The following LRRC17 variants were observed in gnomAD, a reference collection of about 807,000 sequenced individuals.
LRRC17 encodes the protein leucine-rich repeat-containing protein 17.
A neutral mutation model predicts 41.5 loss-of-function variants in LRRC17; 33 were observed. The ratio of observed to expected loss-of-function variants is 0.80; its 90% CI spans 0.60 to 1.06. LRRC17 has a LOEUF of 1.06. LRRC17 is among the 50% of genes least tolerant of loss of function. LRRC17 has a pLI of 0.00. For missense variants in LRRC17, 491 were observed against 519.3 expected, an observed-to-expected ratio of 0.95 and a Z score of 0.53; for synonymous variants, 192 against 197.0, an observed-to-expected ratio of 0.97 and a Z score of 0.21.
intron 3 of LRRC17, among the ~76,000 whole-genome samples, chr7:102,940,214 T>G (rs1361773693): frequency 7.6e-6 from 1 of 132,212 alleles, no homozygotes; most frequent in African/African-American, 2.9e-5. Flanking sequence ...ACTTTTTTTG[T>G]TTGTTTTTTT....
At chr7:102,939,874 T>C (rs543582351) in intron 3 of LRRC17, among the ~76,000 whole-genome samples, 3 of 152,164 alleles carry the variant, frequency 2.0e-5, no homozygotes, top group African/African-American at 7.2e-5. Context: ...AAATGGTCAA[T>C]AGTATACTAA....
intron 1 of LRRC17, among the ~76,000 whole-genome samples, chr7:102,927,360 A>G (rs753187738): frequency 1.3e-5 from 2 of 152,208 alleles, no homozygotes; most frequent in Non-Finnish European, 2.9e-5. Context: ...GAAGAGGTAA[A>G]TCATTACTAG....
chr7:102,942,321 T>TA, intron 3 of LRRC17: 1 of 1,593,906 alleles, frequency 6.3e-7, no homozygotes, highest in East Asian at 2.3e-5. Context: ...CAAGTAGACT[T>TA]ACGTGAATGA....
intron 1 of LRRC17, among the ~76,000 whole-genome samples, chr7:102,914,353 G>A (rs1035683560): frequency 1.3e-5 from 2 of 152,218 alleles, no homozygotes; most frequent in African/African-American, 4.8e-5. Flanking sequence ...GAACAGGCAT[G>A]AGCCACCGTG....
rs777751091 is a variant in LRRC17, at chr7:102,934,198, A to G, written c.285A>G (p.Thr95=). ...TGCTAGCAAGAAACAAGATCCGCACATTGAAGAACAACATGTTTTCCAAGT... is the reference window on the plus strand; with the variant it reads ...TGCTAGCAAGAAACAAGATCCGCACGTTGAAGAACAACATGTTTTCCAAGT... ...HMLLARNKIR[T]LKNNMFSKFK... The change falls in exon 2 of 4, where the codon ACA becomes ACG. Residue 95 remains threonine, a synonymous_variant. Coordinates refer to ENST00000339431, the MANE Select transcript of LRRC17 (RefSeq NM_001031692.3). The G allele has an allele frequency of 4.3e-6, 7 of 1,614,150 alleles. No homozygotes were observed. The highest frequency in any genetic ancestry group is 1.6e-4 in the Middle Eastern group (1 of 6,084).
intron 1 of LRRC17, 133 bp downstream of exon 1, chr7:102,913,278 A>C: frequency 6.2e-7 from 1 of 1,600,116 alleles, no homozygotes; most frequent in East Asian, 2.2e-5. Flanking sequence ...AATCTTTCTT[A>C]AGCCACTATG....
At chr7:102,942,399 A>T in intron 3 of LRRC17, 1 of 1,404,190 alleles carries the variant, frequency 7.1e-7, no homozygotes, top group Middle Eastern at 1.8e-4. Flanking sequence ...AATAACAATC[A>T]TATAAAATGC....
intron 3 of LRRC17, among the ~76,000 whole-genome samples, chr7:102,943,631 A>G (rs1821900696): frequency 6.6e-6 from 1 of 152,180 alleles, no homozygotes; most frequent in African/African-American, 2.4e-5. Context: ...TCTCGCCACT[A>G]TGTAACCAGG....
Position 102,934,658 on chromosome 7 carries a change from A to G in LRRC17, c.745A>G (p.Ile249Val), listed in dbSNP as rs755854852. Residue 249 changes from isoleucine (I) to valine (V), a missense_variant, in exon 2 of 4, where the codon ATA (isoleucine) becomes GTA (valine). By Grantham distance (29) the Ile-to-Val change is conservative. Transcript: ENST00000339431. ...TTTTTGCCACAATTATGTGTTTCCC[A>G]TACAAACACTGGACTGCAAAAGGAA... ...STFCHNYVFP[I>V]QTLDCKRKEL... 1.5e-5 allele frequency: 24 copies of G among 1,599,186 alleles called. No homozygotes were observed. In the Admixed American group the frequency reaches 4.3e-4, roughly 29 times the overall value.
chr7:102,942,471 G>A (rs1157184577), intron 3 of LRRC17: 2 of 652,568 alleles, frequency 3.1e-6, no homozygotes, highest in African/African-American at 1.9e-5. Context: ...CCTCCTTTAA[G>A]AAACAGACTA....
intron 1 of LRRC17, among the ~76,000 whole-genome samples, chr7:102,924,490 A>G (rs2129471523): frequency 6.6e-6 from 1 of 152,220 alleles, no homozygotes; most frequent in Non-Finnish European, 1.5e-5. Context: ...TCAAAGGGAA[A>G]GCTTTATAGA....
At chr7:102,917,646 G>A (rs983064231) in intron 1 of LRRC17, among the ~76,000 whole-genome samples, 2 of 152,214 alleles carry the variant, frequency 1.3e-5, no homozygotes, top group Non-Finnish European at 2.9e-5. Context: ...CCTAGGCAGA[G>A]AAGTTTGGTT....
chr7:102,937,174 G>A (rs1437615151), intron 2 of LRRC17, among the ~76,000 whole-genome samples: 3 of 152,140 alleles, frequency 2.0e-5, no homozygotes, highest in East Asian at 3.9e-4. Context: ...GTTAATGACT[G>A]TGTAATTCAG....
intron 1 of LRRC17, among the ~76,000 whole-genome samples, chr7:102,927,867 T>C (rs947996787): frequency 6.6e-6 from 1 of 152,212 alleles, no homozygotes; most frequent in African/African-American, 2.4e-5. Context: ...TTCAACACAA[T>C]GAAAATCTGT....
Position 102,934,152 on chromosome 7 carries a change from C to G in LRRC17, c.239C>G (p.Pro80Arg). Residue 80 changes from proline to arginine, a missense_variant, in exon 2 of 4, where the codon CCT becomes CGT. Transcript: ENST00000339431. ...RKLVYVLPGWPQDLLHMLLAR... is the reference protein window; with the variant it reads ...RKLVYVLPGWRQDLLHMLLAR... ...TTAGTTTATGTGCTGCCTGGTTGGC[C>G]TCAGGATTTGCTGCACATGCTGCTA... is the stretch of plus-strand genomic sequence containing the variant. 6.2e-7 allele frequency: 1 copy of G among 1,614,186 alleles called. No homozygotes were observed. The highest frequency in any genetic ancestry group is 8.5e-7 in the Non-Finnish European group (1 of 1,180,016).
At chr7:102,936,999 A>C (rs1371848747) in intron 2 of LRRC17, among the ~76,000 whole-genome samples, 1 of 152,064 alleles carries the variant, frequency 6.6e-6, no homozygotes, top group African/African-American at 2.4e-5. Flanking sequence ...TCTTCAACTT[A>C]TTGTTGTGTA....
intron 2 of LRRC17, 97 bp from the exon 3 acceptor site, chr7:102,939,332 TC>T: frequency 9.6e-7 from 1 of 1,042,004 alleles, no homozygotes; most frequent in Non-Finnish European, 1.4e-6. Context: ...TTACCCCTTC[TC>T]TTTAAGAGCT....
rs1297244360 is a variant in LRRC17, at chr7:102,934,432, G to A, written c.519G>A (p.Thr173=). 1.3e-5 allele frequency: 21 copies of A among 1,614,162 alleles called. No individual in the cohort carries two copies. The highest frequency in any genetic ancestry group is 2.2e-5 in the East Asian group (1 of 44,890). ...NPWHCTCEIE[T]LISMLQIPRN... Reference sequence around the variant, plus strand: ...GGCACTGTACTTGTGAGATAGAAACGCTTATTTCAATGTTGCAGATTCCCA... The same window carrying A: ...GGCACTGTACTTGTGAGATAGAAACACTTATTTCAATGTTGCAGATTCCCA... The change falls in exon 2 of 4, where the codon ACG becomes ACA. Residue 173 remains threonine, a synonymous_variant. Coordinates refer to ENST00000339431, the MANE Select transcript of LRRC17 (RefSeq NM_001031692.3).
Position 102,943,798 on chromosome 7 carries a change from A to G in LRRC17, c.929-412A>G, listed in dbSNP as rs547338610. ...AATTCATCCTAACTTTACCTGGTAA[A>G]TGGAGTGACCATCTGTGTTAGCTTA... On this transcript the variant is annotated intron_variant, in intron 3 of 3. Coordinates refer to ENST00000339431, the MANE Select transcript of LRRC17 (RefSeq NM_001031692.3). Among the ~76,000 whole-genome samples the G allele has an allele frequency of 1.0e-3, 156 of 152,362 alleles. 1 individual carries two copies. The highest frequency in any genetic ancestry group is 1.9e-3 in the Non-Finnish European group (129 of 68,032).
Sources: allele counts gnomAD v4.1 joint callset (sites outside exome capture counted in the v4.1 genomes callset), GRCh38; gene constraint gnomAD v4.1.1; transcripts MANE v1.5; gene names NCBI Gene and HGNC (gene_info 2026-07-23, HGNC 2026-07-21).